Variants in NRG1 observed in about 807,000 individuals in gnomAD.
The protein encoded by NRG1 is pro-neuregulin-1, membrane-bound isoform.
NRG1 carries 18 observed loss-of-function variants against 63.8 expected under a neutral mutation model. The observed-to-expected ratio is 0.28, with a 90% CI of 0.19 to 0.42. NRG1 has a LOEUF of 0.42. Among genes scored for constraint, NRG1 ranks in the 10% least tolerant of loss-of-function variants. The pLI is 1.00. For missense variants in NRG1, 762 were observed against 814.7 expected (o/e 0.94, Z 0.79); for synonymous variants, 302 against 301.3 (o/e 1.00, Z -0.02).
At chr8:32,345,999 T>C (rs994701105) in intron 1 of NRG1, among the ~76,000 whole-genome samples, 12 of 150,690 alleles carry the variant, frequency 8.0e-5, no homozygotes, top group Admixed American at 6.6e-5. Context: ...CAGAGTGAAA[T>C]CCTGTCTCAA....
intron 1 of NRG1, among the ~76,000 whole-genome samples, chr8:32,185,116 C>G (rs769513361): frequency 6.6e-6 from 1 of 152,168 alleles, no homozygotes; most frequent in Admixed American, 6.5e-5. Context: ...AGTTCTTACT[C>G]CACACTCCCG....
At chr8:32,710,507 T>C (rs1817547146) in intron 5 of NRG1, among the ~76,000 whole-genome samples, 1 of 152,174 alleles carries the variant, frequency 6.6e-6, no homozygotes, top group African/African-American at 2.4e-5. Flanking sequence ...ACTCAGCATA[T>C]TTATATTTGT....
chr8:32,481,452 C>T (rs186047995), intron 1 of NRG1, among the ~76,000 whole-genome samples: 4 of 152,310 alleles, frequency 2.6e-5, no homozygotes, highest in East Asian at 1.9e-4. Context: ...CATGTGCCAA[C>T]GAGTGACAAA....
intron 1 of NRG1, among the ~76,000 whole-genome samples, chr8:32,421,999 G>T (rs1476304150): frequency 2.0e-5 from 3 of 146,442 alleles, no homozygotes; most frequent in Non-Finnish European, 3.0e-5. Flanking sequence ...GTGGGTGAGT[G>T]AGCAGGGTTG....
At chr8:31,866,632 G>A (rs1828989020) in intron 1 of NRG1, among the ~76,000 whole-genome samples, 1 of 152,074 alleles carries the variant, frequency 6.6e-6, no homozygotes, top group Non-Finnish European at 1.5e-5. Context: ...AGAGTTTATT[G>A]TGTATATTTT....
rs1406400813 is a variant in NRG1, at chr8:31,640,926, T to C, written c.37+1495T>C. ...CTCCAGCTTCCCTTGTCTTAGGCTT[T>C]GCCACTGGAGAAAGCCCAAGTTTAG... On this transcript the variant is annotated intron_variant, in intron 1 of 10. Transcript: ENST00000519301. This position sits in a 1 kb window ranked among gnomAD's most constrained non-coding sequence, Gnocchi z 6.3. Among the ~76,000 whole-genome samples the C allele has an allele frequency of 2.0e-5, 3 of 152,218 alleles. No individual in the cohort carries two copies. Among genetic ancestry groups the C allele is most frequent in the Non-Finnish European group, 4.4e-5 (3 of 68,042 alleles).
chr8:31,710,697 T>G (rs1811654182), intron 1 of NRG1, among the ~76,000 whole-genome samples: 1 of 152,122 alleles, frequency 6.6e-6, no homozygotes, highest in Non-Finnish European at 1.5e-5. Flanking sequence ...TTCCACATTT[T>G]AATTTTAATT....
intron 1 of NRG1, among the ~76,000 whole-genome samples, chr8:32,581,303 G>A (rs948499030): frequency 1.3e-5 from 2 of 152,190 alleles, no homozygotes; most frequent in African/African-American, 4.8e-5. Context: ...AGAATATAGA[G>A]CGTTCTAATG....
At chr8:32,141,918 T>G (rs560967411) in intron 1 of NRG1, among the ~76,000 whole-genome samples, 1 of 152,166 alleles carries the variant, frequency 6.6e-6, no homozygotes, top group South Asian at 2.1e-4. Context: ...GTAAAGCTGT[T>G]CAGGAAAGTT....
chr8:32,058,491 C>T (rs141100425), intron 1 of NRG1, among the ~76,000 whole-genome samples: 129 of 152,078 alleles, frequency 8.5e-4, no homozygotes, highest in Middle Eastern at 6.8e-3. Context: ...ATCAAAATAC[C>T]GCCAATGAGT....
chr8:32,303,183 C>CAAAAAAAAAAAAAA (rs1563291349), intron 1 of NRG1, among the ~76,000 whole-genome samples: 2 of 59,708 alleles, frequency 3.3e-5, no homozygotes, highest in East Asian at 5.7e-4. Flanking sequence ...AACTCAGTCT[C>CAAAAAAAAAAAAAA]CAAAAAAAAA....
At chr8:31,833,729 C>T (rs1286727710) in intron 1 of NRG1, among the ~76,000 whole-genome samples, 1 of 152,148 alleles carries the variant, frequency 6.6e-6, no homozygotes, top group Non-Finnish European at 1.5e-5. Flanking sequence ...CCTGATTAGT[C>T]ATCTTGGTCT....
intron 1 of NRG1, among the ~76,000 whole-genome samples, chr8:31,798,167 G>A (rs1278713850): frequency 6.6e-6 from 1 of 152,074 alleles, no homozygotes; most frequent in Non-Finnish European, 1.5e-5. Context: ...AAATACAGCT[G>A]GAGATGATTT....
intron 1 of NRG1, among the ~76,000 whole-genome samples, chr8:31,647,325 G>A (rs1358903486): frequency 6.6e-6 from 1 of 152,198 alleles, no homozygotes; most frequent in Non-Finnish European, 1.5e-5. Flanking sequence ...TATCACAACA[G>A]CTCTTGGTTT....
At chr8:32,545,412 C>A (rs1832976613), upstream of NRG1, among the ~76,000 whole-genome samples, 1 of 151,882 alleles carries the variant, frequency 6.6e-6, no homozygotes, top group African/African-American at 2.4e-5. Context: ...AAGACCTGAA[C>A]AATACACAAA....
chr8:32,085,123 C>T (rs1828027125), intron 1 of NRG1, among the ~76,000 whole-genome samples: 1 of 152,180 alleles, frequency 6.6e-6, no homozygotes, highest in Admixed American at 6.6e-5. Flanking sequence ...GTAATTATTG[C>T]TCTATATCCT....
chr8:32,099,886 A>G (rs1000081910), intron 1 of NRG1: 2 of 152,364 alleles, frequency 1.3e-5, no homozygotes, highest in African/African-American at 4.8e-5. Flanking sequence ...ACCTGCTACC[A>G]TAGTAAATAT....
chr8:31,932,224 T>C (rs1406974310), intron 1 of NRG1, among the ~76,000 whole-genome samples: 1 of 152,210 alleles, frequency 6.6e-6, no homozygotes, highest in Admixed American at 6.5e-5. Context: ...GAAATATGCT[T>C]CGTAAATAAT....
At chr8:31,827,488 G>T (rs1399799866) in intron 1 of NRG1, among the ~76,000 whole-genome samples, 1 of 152,024 alleles carries the variant, frequency 6.6e-6, no homozygotes, top group African/African-American at 2.4e-5. Context: ...ATAATAGGAA[G>T]ATTTTGCATA....
Sources: allele counts gnomAD v4.1 joint callset (sites outside exome capture counted in the v4.1 genomes callset), GRCh38; gene constraint gnomAD v4.1.1; non-coding constraint Gnocchi (gnomAD v3.1); transcripts MANE v1.5; gene names NCBI Gene and HGNC (gene_info 2026-07-23, HGNC 2026-07-21).